Variants in IL4R observed in about 807,000 individuals in gnomAD.
IL4R encodes interleukin-4 receptor subunit alpha.
A neutral mutation model predicts 41.5 loss-of-function variants in IL4R; 17 were observed. That is an observed-to-expected ratio of 0.41 (90% CI 0.28 to 0.61). The LOEUF (loss-of-function observed/expected upper bound fraction) is 0.61, where lower values mean the gene tolerates loss of function less well. IL4R is among the 20% of genes least tolerant of loss of function. IL4R has a pLI of 0.31. For missense variants in IL4R, 974 were observed against 1,043.1 expected, an observed-to-expected ratio of 0.93 and a Z score of 0.91; for synonymous variants, 402 against 422.9, an observed-to-expected ratio of 0.95 and a Z score of 0.61.
chr16:27,363,901 C>T lies in IL4R; in HGVS notation c.*71C>T, dbSNP rs2086408128. 6.7e-7 allele frequency: 1 copy of T among 1,491,456 alleles called. No homozygotes were observed. The highest frequency in any genetic ancestry group is 9.0e-7 in the Non-Finnish European group (1 of 1,117,218). 92.4% of individuals were successfully genotyped at this position (1,491,456 alleles called of 1,614,324 possible). On this transcript the variant is annotated 3_prime_UTR_variant, in exon 11 of 11. Coordinates refer to ENST00000395762, the MANE Select transcript of IL4R (RefSeq NM_000418.4). Reference sequence around the variant, plus strand: ...TATCCATGCCTGGGAAATGCCACCTCCTGGAAGGCAGCCAGGCTGGCAGAT... The same window carrying T: ...TATCCATGCCTGGGAAATGCCACCTTCTGGAAGGCAGCCAGGCTGGCAGAT...
chr16:27,322,324 G>T (rs907479401), intron 1 of IL4R, among the ~76,000 whole-genome samples: 9 of 152,072 alleles, frequency 5.9e-5, no homozygotes, highest in Non-Finnish European at 1.3e-4. Flanking sequence ...CTACAGATGT[G>T]CACTACCACG....
intron 2 of IL4R, among the ~76,000 whole-genome samples, chr16:27,339,194 A>T (rs916211029): frequency 6.6e-6 from 1 of 152,048 alleles, no homozygotes; most frequent in African/African-American, 2.4e-5. Context: ...AAAATTCACC[A>T]TGAGGTCTCA....
rs376276850 is a variant in IL4R at position 27,352,649 on chromosome 16, A to T, written c.623A>T (p.Tyr208Phe). 9 of 1,614,092 alleles carry T rather than the reference A, an allele frequency of 5.6e-6. No homozygotes were observed. Among genetic ancestry groups the T allele is most frequent in the African/African-American group, 1.3e-5 (1 of 74,936 alleles). ...CGGGTGAGGGCCTGGGCTCAGTGCT[A>T]TAACACCACCTGGAGTGAGTGGAGC... ...RARVRAWAQC[Y>F]NTTWSEWSPS... The change falls in exon 7 of 11, where the codon TAT (tyrosine) becomes TTT (phenylalanine). Residue 208 changes from tyrosine to phenylalanine, a missense_variant. Transcript: ENST00000395762.
rs555979818 is a variant in IL4R at position 27,361,426 on chromosome 16, G to A, written c.899+611G>A. ...TGTGCCACTGCACTCCAGCCTGGGC[G>A]ACAGAGTGAGACTCTTGTCTCAAAA... On this transcript the variant is annotated intron_variant, in intron 10 of 10. Transcript: ENST00000395762. Among the ~76,000 whole-genome samples the A allele has an allele frequency of 3.0e-3, 458 of 151,986 alleles. 1 individual carries two copies. Among genetic ancestry groups the A allele is most frequent in the Non-Finnish European group, 5.1e-3 (346 of 67,970 alleles).
At chr16:27,324,996 C>A (rs926134514) in intron 1 of IL4R, among the ~76,000 whole-genome samples, 5 of 152,186 alleles carry the variant, frequency 3.3e-5, no homozygotes, top group Non-Finnish European at 5.9e-5. Context: ...AACCTGCCCC[C>A]TCTTCGCCAG....
intron 6 of IL4R, among the ~76,000 whole-genome samples, chr16:27,352,177 G>A (rs2085900527): frequency 6.6e-6 from 1 of 152,196 alleles, no homozygotes; most frequent in African/African-American, 2.4e-5. Flanking sequence ...TCATTTTGCA[G>A]ATGAGGACAT....
rs2086413724 is a variant in IL4R, at chr16:27,364,048, A to G, written c.*218A>G. 3.5e-6 allele frequency: 2 copies of G among 565,038 alleles called. No individual in the cohort carries two copies. Among genetic ancestry groups the G allele is most frequent in the Admixed American group, 6.7e-5 (2 of 29,706 alleles). 35.0% of individuals were successfully genotyped at this position (565,038 alleles called of 1,614,324 possible). A position where few individuals can be genotyped will look rare whatever the true frequency, so the allele number is the denominator to read the frequency against. On this transcript the variant is annotated 3_prime_UTR_variant, in exon 11 of 11. Coordinates refer to ENST00000395762, the MANE Select transcript of IL4R (RefSeq NM_000418.4). ...GGCTGGGCTCGCCACATCCCATGAG[A>G]GTAGAGGGCACTGGGTCGCCGTGCC...
chr16:27,347,655 T>A (rs1207437956), intron 6 of IL4R, among the ~76,000 whole-genome samples: 1 of 152,186 alleles, frequency 6.6e-6, no homozygotes, highest in Non-Finnish European at 1.5e-5. Flanking sequence ...CACCCATGTT[T>A]CCCCACCCTG....
intron 2 of IL4R, among the ~76,000 whole-genome samples, chr16:27,333,467 C>T (rs1020760197): frequency 5.9e-5 from 9 of 152,062 alleles, no homozygotes; most frequent in Admixed American, 2.6e-4. Flanking sequence ...AACGTGGGTT[C>T]TGATTCTAGC....
At chr16:27,323,968 T>A (rs76709209) in intron 1 of IL4R, among the ~76,000 whole-genome samples, 2 of 147,530 alleles carry the variant, frequency 1.4e-5, no homozygotes, top group African/African-American at 5.4e-5. Flanking sequence ...CTTCAAGTGC[T>A]TTTTTTTGTT....
At chr16:27,362,196 G>A (rs2086319160) in intron 10 of IL4R, 56 bp from the exon 11 acceptor site, 9 of 1,566,898 alleles carry the variant, frequency 5.7e-6, no homozygotes, top group Non-Finnish European at 7.8e-6. Context: ...TTTGAAGAAT[G>A]AATAGGAGTT....
In IL4R at chr16:27,363,978, T is replaced by C. The variant is rs1461201088; in HGVS notation, c.*148T>C. ...ATGAAGGTGATTGGCCCCACTGACG[T>C]TGGCCTAACACTGGGCTGCAGAGAC... is the stretch of plus-strand genomic sequence containing the variant. On this transcript the variant is annotated 3_prime_UTR_variant, in exon 11 of 11. Coordinates refer to ENST00000395762, the MANE Select transcript of IL4R (RefSeq NM_000418.4). The C allele has an allele frequency of 5.3e-6, 5 of 934,792 alleles. No individual in the cohort carries two copies. The Admixed American group carries it at 9.7e-5, about 18-fold the overall frequency. The allele number at this position is 934,792 out of a possible 1,614,324, so 57.9% of individuals were successfully genotyped here.
intron 1 of IL4R, among the ~76,000 whole-genome samples, chr16:27,328,874 T>C (rs762417214): frequency 6.6e-6 from 1 of 152,198 alleles, no homozygotes. Flanking sequence ...GTTTGTCTTA[T>C]TGATTTGTAA....
intron 1 of IL4R, among the ~76,000 whole-genome samples, chr16:27,326,473 T>A (rs2084957716): frequency 6.6e-6 from 1 of 152,036 alleles, no homozygotes; most frequent in Non-Finnish European, 1.5e-5. Context: ...GCACTCCAGC[T>A]TGGGCCACAG....
At position 27,363,128 on chromosome 16, in the gene IL4R, G is replaced by A; in HGVS notation, c.1776G>A (p.Val592=). The A allele has an allele frequency of 6.2e-7, 1 of 1,613,944 alleles. No homozygotes were observed. The highest frequency in any genetic ancestry group is 8.5e-7 in the Non-Finnish European group (1 of 1,179,964). Residue 592 remains valine, a synonymous_variant, in exon 11 of 11, where the codon GTG becomes GTA. Transcript: ENST00000395762. The part of the protein sequence containing the change: ...VEQGGTQASA[V]VGLGPPGEAG... The stretch of plus-strand genomic sequence containing the variant: ...AGGGTGGCACCCAGGCCAGTGCGGT[G>A]GTGGGCTTGGGTCCCCCAGGAGAGG...
At chr16:27,323,913 C>A (rs1322776469) in intron 1 of IL4R, among the ~76,000 whole-genome samples, 1 of 152,158 alleles carries the variant, frequency 6.6e-6, no homozygotes, top group Non-Finnish European at 1.5e-5. Context: ...CCTGCCTCAG[C>A]CTCCCAAATG....
At position 27,342,195 on chromosome 16, in the gene IL4R, A is replaced by C. The variant is rs1390829715; in HGVS notation, c.145A>C (p.Asn49His). The change falls in exon 4 of 11, where the codon AAT becomes CAT. Residue 49 changes from asparagine (N) to histidine (H), a missense_variant. Physicochemically the swap from Asn to His is moderately conservative, Grantham distance 68. Transcript: ENST00000395762. ...CATCTCTACTTGCGAGTGGAAGATG[A>C]ATGGTCCCACCAATTGCAGCACCGA... is the stretch of plus-strand genomic sequence containing the variant. ...MSISTCEWKMNGPTNCSTELR... is the reference protein window; with the variant it reads ...MSISTCEWKMHGPTNCSTELR... 3.7e-6 allele frequency: 6 copies of C among 1,614,210 alleles called. No individual in the cohort carries two copies. The highest frequency in any genetic ancestry group is 5.1e-6 in the Non-Finnish European group (6 of 1,180,036).
Position 27,363,241 on chromosome 16 carries a change from G to A in IL4R, c.1889G>A (p.Gly630Glu), listed in dbSNP as rs199930907. 7.8e-5 allele frequency: 125 copies of A among 1,604,242 alleles called. No homozygotes were observed. The highest frequency in any genetic ancestry group is 1.0e-4 in the Non-Finnish European group (121 of 1,174,654). Reference protein sequence around the residue: ...CGFGASSGEEGYKPFQDLIPG... With the variant: ...CGFGASSGEEEYKPFQDLIPG... ...TTTGGGGCTAGCAGTGGGGAAGAGGGGTATAAGCCTTTCCAAGACCTCATT... is the reference window on the plus strand; with the variant it reads ...TTTGGGGCTAGCAGTGGGGAAGAGGAGTATAAGCCTTTCCAAGACCTCATT... The change falls in exon 11 of 11, where the codon GGG (glycine) becomes GAG (glutamate). Residue 630 changes from glycine (G) to glutamate (E), a missense_variant. By Grantham distance (98) the Gly-to-Glu change is moderately conservative. Coordinates refer to ENST00000395762, the MANE Select transcript of IL4R (RefSeq NM_000418.4).
chr16:27,353,925 C>T (rs189334503), intron 7 of IL4R, among the ~76,000 whole-genome samples: 102 of 152,340 alleles, frequency 6.7e-4, no homozygotes, highest in African/African-American at 2.4e-3. Context: ...GGTCCATCAA[C>T]CCCAAGTGAA....
Sources: allele counts gnomAD v4.1 joint callset (sites outside exome capture counted in the v4.1 genomes callset), GRCh38; gene constraint gnomAD v4.1.1; transcripts MANE v1.5; gene names NCBI Gene and HGNC (gene_info 2026-07-23, HGNC 2026-07-21).